The following PARP12 variants were observed in gnomAD, a reference collection of about 807,000 sequenced individuals.
PARP12 encodes protein mono-ADP-ribosyltransferase PARP12.
A neutral mutation model predicts 72.4 loss-of-function variants in PARP12; 59 were observed. The ratio of observed to expected loss-of-function variants is 0.81; its 90% CI spans 0.66 to 1.01. PARP12 has a LOEUF of 1.01. PARP12 is among the 50% of genes least tolerant of loss of function. The pLI is 0.00. For missense variants in PARP12, 851 were observed against 914.0 expected (o/e 0.93, Z 0.89); for synonymous variants, 403 against 371.4 (o/e 1.09, Z -0.98).
In PARP12 at chr7:140,062,804, C is replaced by A; in HGVS notation, c.44G>T (p.Cys15Phe). 2.1e-6 allele frequency: 3 copies of A among 1,416,226 alleles called. No individual in the cohort carries two copies. The highest frequency in any genetic ancestry group is 2.8e-6 in the Non-Finnish European group (3 of 1,082,896). 87.7% of individuals were successfully genotyped at this position (1,416,226 alleles called of 1,614,324 possible). A position where few individuals can be genotyped will look rare whatever the true frequency, so the allele number is the denominator to read the frequency against. Residue 15 changes from cysteine to phenylalanine, a missense_variant, in exon 1 of 12, where the codon TGC becomes TTC. Cys to Phe is a radical substitution (Grantham distance 205, BLOSUM62 -2). Coordinates refer to ENST00000263549, the MANE Select transcript of PARP12 (RefSeq NM_022750.4). ...CAACTCCAGGGCGCCCCCGGCCGCG[C>A]ACAGCACCTGGGTGACCTCACCGAC... ...GVVGEVTQVL[C>F]AAGGALELPE...
chr7:140,039,894 G>A (rs186866829), intron 6 of PARP12, among the ~76,000 whole-genome samples: 2 of 146,608 alleles, frequency 1.4e-5, no homozygotes, highest in Non-Finnish European at 3.0e-5. Context: ...CAAACTGCTC[G>A]CCATGAGTTT....
chr7:140,062,354 A>C (rs1817493856), intron 1 of PARP12, among the ~76,000 whole-genome samples, 168 bp downstream of exon 1: 1 of 152,010 alleles, frequency 6.6e-6, no homozygotes, highest in African/African-American at 2.4e-5. Context: ...TGTGCCAGGT[A>C]CTCCGCAGGT....
At chr7:140,050,643 C>T (rs1414347258) in intron 4 of PARP12, among the ~76,000 whole-genome samples, 1 of 152,126 alleles carries the variant, frequency 6.6e-6, no homozygotes, top group Admixed American at 6.5e-5. Context: ...ACAGAAACAG[C>T]GATACCTAAG....
intron 1 of PARP12, among the ~76,000 whole-genome samples, chr7:140,058,865 G>A (rs572986593): frequency 4.6e-5 from 7 of 152,288 alleles, no homozygotes; most frequent in Admixed American, 4.6e-4. Flanking sequence ...GGAGGCCAGG[G>A]TGGATGGATC....
At chr7:140,025,174 T>A (rs1291023479) in intron 11 of PARP12, 1 of 421,106 alleles carries the variant, frequency 2.4e-6, no homozygotes, top group Non-Finnish European at 4.4e-6. Context: ...TGTGGACACG[T>A]CACTACTTAA....
At chr7:140,027,708 A>C in intron 9 of PARP12, 1 of 222,832 alleles carries the variant, frequency 4.5e-6, no homozygotes, top group African/African-American at 2.2e-5. Context: ...AGTTTCCAAG[A>C]ACCTACTGAT....
At chr7:140,049,917 G>A (rs768522213) in intron 4 of PARP12, among the ~76,000 whole-genome samples, 20 of 151,990 alleles carry the variant, frequency 1.3e-4, no homozygotes, top group Non-Finnish European at 2.6e-4. Context: ...CCTACCTCAC[G>A]TTGGCATTCC....
At chr7:140,033,927 T>C (rs1816041743) in intron 8 of PARP12, 2 of 1,027,236 alleles carry the variant, frequency 1.9e-6, no homozygotes, top group Non-Finnish European at 2.3e-6. Flanking sequence ...GACTCAATGA[T>C]TCCACAGAAA....
intron 6 of PARP12, among the ~76,000 whole-genome samples, chr7:140,039,058 T>G (rs969029108): frequency 3.3e-5 from 5 of 152,162 alleles, no homozygotes; most frequent in Non-Finnish European, 7.4e-5. Context: ...GTTGGCCCCA[T>G]GAGGACCATA....
At chr7:140,026,466 C>T (rs1012074904) in intron 10 of PARP12, 118 bp from the exon 11 acceptor site, 15 of 1,390,860 alleles carry the variant, frequency 1.1e-5, no homozygotes, top group African/African-American at 8.8e-5. Context: ...GACCAAGAGA[C>T]GCAGGTCACA....
At chr7:140,044,506 T>C (rs1437184831) in intron 5 of PARP12, among the ~76,000 whole-genome samples, 1 of 152,114 alleles carries the variant, frequency 6.6e-6, no homozygotes, top group Non-Finnish European at 1.5e-5. Context: ...CAAGAAAGGA[T>C]CCTCCTGTAA....
chr7:140,049,673 T>G (rs1228770517), intron 4 of PARP12, among the ~76,000 whole-genome samples: 1 of 152,124 alleles, frequency 6.6e-6, no homozygotes, highest in Non-Finnish European at 1.5e-5. Flanking sequence ...GCCAGGGGAA[T>G]GCACTATAAT....
chr7:140,031,721 A>C (rs1012936081), intron 8 of PARP12, among the ~76,000 whole-genome samples: 3 of 151,428 alleles, frequency 2.0e-5, no homozygotes, highest in African/African-American at 7.3e-5. Context: ...GTGGCCCCCT[A>C]AAAACTAAAT....
At chr7:140,033,957 CTTCAAGTCTAG>C in intron 8 of PARP12, 22 of 1,049,154 alleles carry the variant, frequency 2.1e-5, no homozygotes, top group Non-Finnish European at 2.4e-5. Context: ...GATGGGTTGG[CTTCAAGTCTAG>C]ACTCGCCTTC....
intron 4 of PARP12, 148 bp downstream of exon 4, chr7:140,054,514 T>A (rs1413479729): frequency 1.3e-5 from 8 of 617,524 alleles, no homozygotes; most frequent in African/African-American, 1.3e-4. Flanking sequence ...ACAAAATACC[T>A]TCAGAATTGG....
At chr7:140,062,469 CGTGAGG>C in intron 1 of PARP12, 47 bp downstream of exon 1, 4 of 1,484,900 alleles carry the variant, frequency 2.7e-6, no homozygotes, top group Non-Finnish European at 3.6e-6. Flanking sequence ...GCTGGAAGTG[CGTGAGG>C]GCGCGCAGGA....
intron 8 of PARP12, chr7:140,033,165 T>A: frequency 2.0e-6 from 2 of 983,798 alleles, no homozygotes; most frequent in Non-Finnish European, 2.4e-6. Flanking sequence ...ACTGTTGGGA[T>A]TACAGGTGTG....
intron 6 of PARP12, chr7:140,038,140 A>G (rs1279455715): frequency 1.4e-5 from 14 of 985,326 alleles, no homozygotes; most frequent in Non-Finnish European, 1.6e-5. Flanking sequence ...CAAGTCACCT[A>G]GGACAGAGGA....
chr7:140,024,728 G>A lies in PARP12; in HGVS notation c.1938C>T (p.Ala646=). 6.2e-7 allele frequency: 1 copy of A among 1,614,208 alleles called. No individual in the cohort carries two copies. The highest frequency in any genetic ancestry group is 8.5e-7 in the Non-Finnish European group (1 of 1,180,048). Residue 646 remains alanine (A), a synonymous_variant, in exon 12 of 12, where the codon GCC becomes GCT. Coordinates refer to ENST00000263549, the MANE Select transcript of PARP12 (RefSeq NM_022750.4). ...RPPAKEGWSN[A]FYDSCVNSVS... The stretch of plus-strand genomic sequence containing the variant: ...CACTGTTCACGCAGCTATCATAGAA[G>A]GCGTTGCTCCAGCCCTCCTTGGCCG...
Sources: allele counts gnomAD v4.1 joint callset (sites outside exome capture counted in the v4.1 genomes callset), GRCh38; gene constraint gnomAD v4.1.1; transcripts MANE v1.5; gene names NCBI Gene and HGNC (gene_info 2026-07-23, HGNC 2026-07-21).